Variants in COL5A1 observed in about 807,000 individuals in gnomAD.
The protein encoded by COL5A1 is collagen alpha-1(V) chain.
A neutral mutation model predicts 263.7 loss-of-function variants in COL5A1; 16 were observed. The observed-to-expected ratio is 0.06, with a 90% confidence interval of 0.04 to 0.09. COL5A1 has a LOEUF of 0.09. Ranked by LOEUF, COL5A1 falls within the 10% of genes least tolerant of loss-of-function variation. The pLI is 1.00. For synonymous variants in COL5A1, 1,012 were observed against 1,004.5 expected (o/e 1.01, Z -0.14); for missense variants, 2,036 against 2,540.5 (o/e 0.80, Z 4.27).
intron 27 of COL5A1, among the ~76,000 whole-genome samples, chr9:134,779,507 G>A (rs1313322402): frequency 6.6e-6 from 1 of 152,164 alleles, no homozygotes; most frequent in Non-Finnish European, 1.5e-5. Context: ...GAAATACATG[G>A]CACTGGGCTT....
chr9:134,770,564 G>A (rs1224059094), intron 25 of COL5A1, among the ~76,000 whole-genome samples: 1 of 152,202 alleles, frequency 6.6e-6, no homozygotes, highest in Admixed American at 6.5e-5. Flanking sequence ...TGCCAAGGGC[G>A]CATGCATATC....
At chr9:134,721,348 T>C (rs1834447835) in intron 4 of COL5A1, among the ~76,000 whole-genome samples, 1 of 149,060 alleles carries the variant, frequency 6.7e-6, no homozygotes. Context: ...ATAGTACCCA[T>C]ACAGGGCTGC....
chr9:134,718,936 G>A (rs112785171), intron 4 of COL5A1, among the ~76,000 whole-genome samples: 13,036 of 152,272 alleles, frequency 0.086, 1,429 homozygotes, highest in African/African-American at 0.25. Flanking sequence ...TTGCCGAGGC[G>A]TGAGGTAGGG....
chr9:134,724,650 C>T (rs1834582019), intron 4 of COL5A1, among the ~76,000 whole-genome samples: 1 of 152,346 alleles, frequency 6.6e-6, no homozygotes, highest in East Asian at 1.9e-4. Context: ...GAATGTCTCC[C>T]AGCCCTTCCC....
At chr9:134,725,634 T>G (rs1834620353) in intron 4 of COL5A1, among the ~76,000 whole-genome samples, 1 of 152,210 alleles carries the variant, frequency 6.6e-6, no homozygotes. Flanking sequence ...TGGAATAAAT[T>G]GTTTACACAT....
At chr9:134,804,532 C>T (rs1252634800) in intron 39 of COL5A1, among the ~76,000 whole-genome samples, 1 of 152,208 alleles carries the variant, frequency 6.6e-6, no homozygotes, top group Non-Finnish European at 1.5e-5. Flanking sequence ...GCCCTCAGCT[C>T]CCACATGGCC....
In COL5A1 at chr9:134,821,154, C is replaced by T. The variant is rs577075748; in HGVS notation, c.4554+931C>T. Reference sequence around the variant, plus strand: ...CACAGCAGGGTCGTCGGAGGAGTGCCGCCCAGGGTGTGGTGGCCCGGCAAC... The same window carrying T: ...CACAGCAGGGTCGTCGGAGGAGTGCTGCCCAGGGTGTGGTGGCCCGGCAAC... On this transcript the variant is annotated intron_variant, in intron 58 of 65. Coordinates refer to ENST00000371817, the MANE Select transcript of COL5A1 (RefSeq NM_000093.5). This position sits in a 1 kb window ranked among gnomAD's most constrained non-coding sequence, Gnocchi z 4.2. Among the ~76,000 whole-genome samples, 15 of 152,238 alleles carry T rather than the reference C, an allele frequency of 9.9e-5. No individual in the cohort carries two copies. In the East Asian group the frequency reaches 2.1e-3, roughly 22 times the overall value.
intron 11 of COL5A1, among the ~76,000 whole-genome samples, chr9:134,743,352 G>A (rs930401224): frequency 6.6e-6 from 1 of 152,152 alleles, no homozygotes; most frequent in Non-Finnish European, 1.5e-5. Context: ...TCCCGAGAGC[G>A]CCAGCTGGTG....
chr9:134,737,199 C>T lies in COL5A1; in HGVS notation c.1390-1275C>T, dbSNP rs540124441. Among the ~76,000 whole-genome samples the T allele has an allele frequency of 2.6e-5, 4 of 152,352 alleles. No individual in the cohort carries two copies. The South Asian group carries it at 8.3e-4, about 32-fold the overall frequency. On this transcript the variant is annotated intron_variant, in intron 9 of 65. Coordinates refer to ENST00000371817, the MANE Select transcript of COL5A1 (RefSeq NM_000093.5). ...CCAGGCTGTCCATGCCACACTTTGA[C>T]CTCTACGTGGAGGGCGCCATGGCCG...
intron 4 of COL5A1, among the ~76,000 whole-genome samples, chr9:134,711,977 CCCTTCCTGTCCCCACTCCTTCCCCCT>C (rs1834059154): frequency 6.8e-6 from 1 of 146,484 alleles, no homozygotes; most frequent in Admixed American, 6.8e-5. Context: ...TACCCTGGCC[CCCTTCCTGTCCCCACTCCTTCCCCCT>C]CCTTCCTGTC....
chr9:134,744,720 T>C (rs1352302727), intron 11 of COL5A1, among the ~76,000 whole-genome samples: 2 of 147,164 alleles, frequency 1.4e-5, no homozygotes, highest in East Asian at 2.0e-4. Flanking sequence ...CTCACACAGT[T>C]ACACACACAT....
At chr9:134,762,769 C>T (rs758347993) in intron 19 of COL5A1, among the ~76,000 whole-genome samples, 4 of 152,154 alleles carry the variant, frequency 2.6e-5, no homozygotes, top group Admixed American at 1.3e-4. Flanking sequence ...CTGACATGGA[C>T]GGGGCACCTG....
In COL5A1 at chr9:134,784,781, G is replaced by A. The variant is rs945310003; in HGVS notation, c.2485-208G>A. On this transcript the variant is annotated intron_variant, in intron 29 of 65. Transcript: ENST00000371817. ...GCAGAGACCAGCTTCCGCAGAGCCC[G>A]GGAGCCCGGGAATTCGCGGTACAAT... Among the ~76,000 whole-genome samples, 11 of 152,226 alleles carry A rather than the reference G, an allele frequency of 7.2e-5. No homozygotes were observed. In the East Asian group the frequency reaches 1.3e-3, roughly 19 times the overall value.
At chr9:134,733,568 G>C (rs1300368160) in intron 9 of COL5A1, among the ~76,000 whole-genome samples, 1 of 152,226 alleles carries the variant, frequency 6.6e-6, no homozygotes, top group Non-Finnish European at 1.5e-5. Context: ...GGGCAAAGGG[G>C]TGCAGAGGCA....
chr9:134,689,830 G>C (rs953471810), intron 1 of COL5A1, among the ~76,000 whole-genome samples: 2 of 64,118 alleles, frequency 3.1e-5, no homozygotes, highest in Non-Finnish European at 1.2e-4. Context: ...CTCCCAGGCC[G>C]CCCCAACACA....
intron 1 of COL5A1, among the ~76,000 whole-genome samples, chr9:134,689,147 G>A (rs754998049): frequency 1.3e-5 from 2 of 152,192 alleles, no homozygotes; most frequent in African/African-American, 4.8e-5. Flanking sequence ...GTGACACTGC[G>A]CCATTGTCTC....
chr9:134,815,145 C>T (rs1338180762), intron 50 of COL5A1, among the ~76,000 whole-genome samples: 1 of 152,246 alleles, frequency 6.6e-6, no homozygotes, highest in South Asian at 2.1e-4. Context: ...GTGGGCCAGG[C>T]GGCCGGCTGA....
chr9:134,650,528 G>A (rs1024477273), intron 1 of COL5A1, among the ~76,000 whole-genome samples: 2 of 152,260 alleles, frequency 1.3e-5, no homozygotes, highest in Non-Finnish European at 2.9e-5. Flanking sequence ...TGGGTCTTCC[G>A]CTGCGGCGGG....
At position 134,755,118 on chromosome 9, in the gene COL5A1, C is replaced by T. The variant is rs1411911232; in HGVS notation, c.1827+792C>T. On this transcript the variant is annotated intron_variant, in intron 16 of 65. Transcript: ENST00000371817. This position sits in a 1 kb window ranked among gnomAD's most constrained non-coding sequence, Gnocchi z 4.1. ...AGTGGGTAGAAATGACCCGATAAGCCGCAGTTTGGCAGGTCCGAGGGTCTA... is the reference window on the plus strand; with the variant it reads ...AGTGGGTAGAAATGACCCGATAAGCTGCAGTTTGGCAGGTCCGAGGGTCTA... 1.3e-5 allele frequency among the ~76,000 whole-genome samples: 2 copies of T among 152,080 alleles called. No homozygotes were observed. Among genetic ancestry groups the T allele is most frequent in the Non-Finnish European group, 1.5e-5 (1 of 68,026 alleles).
Sources: allele counts gnomAD v4.1 joint callset (sites outside exome capture counted in the v4.1 genomes callset), GRCh38; gene constraint gnomAD v4.1.1; non-coding constraint Gnocchi (gnomAD v3.1); transcripts MANE v1.5; gene names NCBI Gene and HGNC (gene_info 2026-07-23, HGNC 2026-07-21).